The following TLK2 variants were observed in gnomAD, a reference collection of about 807,000 sequenced individuals.
TLK2 encodes tousled like kinase 2.
In TLK2, 6 loss-of-function variants were observed where a neutral mutation model predicts 117.3. That is an observed-to-expected ratio of 0.05 (90% confidence interval 0.03 to 0.10). The LOEUF (loss-of-function observed/expected upper bound fraction) is 0.10, where lower values mean the gene tolerates loss of function less well. Among genes scored for constraint, TLK2 ranks in the 10% least tolerant of loss-of-function variants. TLK2 has a pLI of 1.00. For missense variants in TLK2, 299 were observed against 901.2 expected (o/e 0.33, Z 8.56); for synonymous variants, 257 against 316.7 (o/e 0.81, Z 2.00).
rs138247472 is a variant in TLK2 at position 62,565,076 on chromosome 17, C to A, written c.907C>A (p.Arg303=). 119 of 1,613,944 alleles carry A rather than the reference C, an allele frequency of 7.4e-5. No individual in the cohort carries two copies. In the African/African-American group the frequency reaches 1.4e-3, roughly 19 times the overall value. ...RLRLGHFTTV[R]HGASFTEQWT... ...GAGACTGGGCCACTTTACTACTGTC[C>A]GACACGGAGCCTCATTTACTGAACA... The change falls in exon 11 of 22, where the codon CGA becomes AGA. Residue 303 remains arginine, a synonymous_variant. Transcript: ENST00000346027.
intron 16 of TLK2, among the ~76,000 whole-genome samples, chr17:62,593,432 T>C (rs1567988137): frequency 6.6e-6 from 1 of 152,234 alleles, no homozygotes; most frequent in Admixed American, 6.5e-5. Flanking sequence ...TTGACTCTCA[T>C]AATAACACTT....
intron 2 of TLK2, among the ~76,000 whole-genome samples, chr17:62,483,458 C>T (rs2144426478): frequency 6.6e-6 from 1 of 152,326 alleles, no homozygotes; most frequent in Non-Finnish European, 1.5e-5. Flanking sequence ...CTACCTTTAA[C>T]ATAGAAAGAA....
chr17:62,502,030 T>A (rs1397395095), intron 2 of TLK2, among the ~76,000 whole-genome samples: 1 of 97,230 alleles, frequency 1.0e-5, no homozygotes, highest in East Asian at 2.1e-4. Flanking sequence ...AAAATACCAA[T>A]TTTTTTTTTT....
chr17:62,600,374 A>G lies in TLK2; in HGVS notation c.1551-277A>G, dbSNP rs1035448768. On this transcript the variant is annotated intron_variant, in intron 17 of 21. Transcript: ENST00000346027. Reference sequence around the variant, plus strand: ...TAAATACATTATAGTTCTTATCAGTATTCTTATAGTCTAGACTCAAGAAGA... The same window carrying G: ...TAAATACATTATAGTTCTTATCAGTGTTCTTATAGTCTAGACTCAAGAAGA... 5 of 294,754 alleles carry G rather than the reference A, an allele frequency of 1.7e-5. No individual in the cohort carries two copies. The East Asian group carries it at 1.7e-4, about 10-fold the overall frequency. The allele number at this position is 294,754 out of a possible 1,614,324, so 18.3% of individuals were successfully genotyped here.
intron 2 of TLK2, among the ~76,000 whole-genome samples, chr17:62,504,767 C>T (rs1308550552): frequency 6.6e-6 from 1 of 152,110 alleles, no homozygotes; most frequent in Non-Finnish European, 1.5e-5. Flanking sequence ...TGTGATGGCA[C>T]CACTGCACTG....
chr17:62,542,150 G>A (rs1181561583), intron 7 of TLK2, among the ~76,000 whole-genome samples: 1 of 152,246 alleles, frequency 6.6e-6, no homozygotes, highest in Non-Finnish European at 1.5e-5. Flanking sequence ...CACATGACCC[G>A]CAAGAAATTG....
chr17:62,579,061 A>G (rs1200006049), intron 14 of TLK2, among the ~76,000 whole-genome samples: 2 of 152,170 alleles, frequency 1.3e-5, no homozygotes, highest in East Asian at 1.9e-4. Context: ...GAAACTGGGA[A>G]AAGTAGGTTG....
intron 6 of TLK2, among the ~76,000 whole-genome samples, chr17:62,535,000 T>C (rs2077016354): frequency 6.6e-6 from 1 of 150,732 alleles, no homozygotes; most frequent in Non-Finnish European, 1.5e-5. Context: ...GCAATTCTTC[T>C]GCCTTAGCCT....
chr17:62,545,472 C>T (rs1020862967), intron 7 of TLK2, among the ~76,000 whole-genome samples: 1 of 151,944 alleles, frequency 6.6e-6, no homozygotes, highest in Non-Finnish European at 1.5e-5. Flanking sequence ...ATTACATTAG[C>T]CAGGCATGGT....
In TLK2 at chr17:62,540,399, A is replaced by ATTTTT. The variant is rs1567879183; in HGVS notation, c.531+4062_531+4063insTTTTT. Among the ~76,000 whole-genome samples the ATTTTT allele has an allele frequency of 5.5e-3, 73 of 13,360 alleles. 1 individual carries two copies. The highest frequency in any genetic ancestry group is 6.7e-3 in the African/African-American group (70 of 10,390). 8.8% of individuals were successfully genotyped at this position (13,360 alleles called of 152,430 possible). ...GATTTTACCTTCAAAATATGTTCAGAATTTTTTTTTTTTTTTTTTTTTTTG... is the reference window on the plus strand; with the variant it reads ...GATTTTACCTTCAAAATATGTTCAGATTTTTATTTTTTTTTTTTTTTTTTTTTTTG... On this transcript the variant is annotated intron_variant, in intron 7 of 21. Coordinates refer to ENST00000346027, the MANE Select transcript of TLK2 (RefSeq NM_006852.6).
At chr17:62,517,116 A>G (rs1306319881) in intron 2 of TLK2, among the ~76,000 whole-genome samples, 2 of 151,632 alleles carry the variant, frequency 1.3e-5, no homozygotes, top group Non-Finnish European at 2.9e-5. Flanking sequence ...TGTTGGCCAG[A>G]CTGGTCTCAA....
intron 7 of TLK2, among the ~76,000 whole-genome samples, chr17:62,540,099 C>CTTT (rs571889873): frequency 3.2e-5 from 4 of 125,082 alleles, no homozygotes; most frequent in Non-Finnish European, 6.9e-5. Flanking sequence ...TCTTTCTTTT[C>CTTT]TTTTTTTTTT....
At chr17:62,562,517 AAG>A (rs930560496) in intron 10 of TLK2, among the ~76,000 whole-genome samples, 4 of 152,200 alleles carry the variant, frequency 2.6e-5, no homozygotes, top group African/African-American at 4.8e-5. Context: ...TTTACAAAAA[AAG>A]AGTGTATAAA....
intron 7 of TLK2, among the ~76,000 whole-genome samples, chr17:62,551,073 C>T (rs551406119): frequency 6.6e-6 from 1 of 152,314 alleles, no homozygotes; most frequent in African/African-American, 2.4e-5. Context: ...CTGATTCAGC[C>T]TCCCAAAGTG....
intron 16 of TLK2, among the ~76,000 whole-genome samples, chr17:62,591,377 G>T (rs1323921783): frequency 6.6e-6 from 1 of 151,470 alleles, no homozygotes; most frequent in African/African-American, 2.4e-5. Flanking sequence ...AAAAACCAGC[G>T]TGGAGCTACT....
chr17:62,610,598 T>C (rs2083673457), intron 21 of TLK2, among the ~76,000 whole-genome samples: 1 of 152,102 alleles, frequency 6.6e-6, no homozygotes, highest in African/African-American at 2.4e-5. Context: ...GTATCTTGAA[T>C]GGTATGAAGG....
At chr17:62,558,343 A>G (rs2079016452) in intron 9 of TLK2, among the ~76,000 whole-genome samples, 1 of 152,064 alleles carries the variant, frequency 6.6e-6, no homozygotes, top group South Asian at 2.1e-4. Context: ...TCAAAATTTT[A>G]TAGAGACTAA....
intron 10 of TLK2, 119 bp from the exon 11 acceptor site, chr17:62,564,882 A>G (rs925801631): frequency 7.8e-7 from 1 of 1,287,714 alleles, no homozygotes. Context: ...GACTGTTCTG[A>G]GAAGTGTATG....
intron 2 of TLK2, among the ~76,000 whole-genome samples, chr17:62,513,854 A>AT (rs1434533005): frequency 6.6e-6 from 1 of 151,522 alleles, no homozygotes; most frequent in African/African-American, 2.4e-5. Context: ...CGTCCAGCTA[A>AT]TTTTTTGTAT....
Sources: gnomAD v4.1 joint callset for allele counts (sites outside exome capture counted in the v4.1 genomes callset) on GRCh38, gnomAD v4.1.1 for gene constraint, MANE v1.5 for transcripts, NCBI Gene and HGNC (gene_info 2026-07-23, HGNC 2026-07-21) for gene names.